Variants in OSBP2 observed in about 807,000 individuals in gnomAD.
The protein encoded by OSBP2 is oxysterol-binding protein 2.
OSBP2 carries 66 observed loss-of-function variants against 96.0 expected under a neutral mutation model. The observed-to-expected ratio is 0.69, with a 90% CI of 0.56 to 0.84. The LOEUF (loss-of-function observed/expected upper bound fraction) is 0.84. Ranked by LOEUF, OSBP2 falls within the 40% of genes least tolerant of loss-of-function variation. OSBP2 has a pLI of 0.00. For synonymous variants in OSBP2, 525 were observed against 520.9 expected (o/e 1.01, Z -0.11); for missense variants, 1,038 against 1,222.7 (o/e 0.85, Z 2.25).
At chr22:30,713,066 C>G (rs1022659713) in intron 1 of OSBP2, among the ~76,000 whole-genome samples, 1 of 140,406 alleles carries the variant, frequency 7.1e-6, no homozygotes, top group Non-Finnish European at 1.5e-5. Context: ...GCGTGCATCA[C>G]CACACTTGGC....
chr22:30,880,574 G>T (rs1316352772), intron 3 of OSBP2, among the ~76,000 whole-genome samples: 5 of 152,190 alleles, frequency 3.3e-5, no homozygotes, highest in Non-Finnish European at 7.4e-5. Flanking sequence ...TGTCTAGAAG[G>T]GAAGTTTCCA....
At chr22:30,758,151 G>C (rs136342) in intron 2 of OSBP2, among the ~76,000 whole-genome samples, 116,562 of 152,112 alleles carry the variant, frequency 0.77, 45,719 homozygotes, top group African/African-American at 0.93. Context: ...CCTGTAATCC[G>C]TGCACTTTGG....
chr22:30,902,428 C>T lies in OSBP2; in HGVS notation c.2376-3409C>T, dbSNP rs549545625. 3.4e-3 allele frequency: 5,442 copies of T among 1,583,854 alleles called. 14 individuals carry two copies. The highest frequency in any genetic ancestry group is 4.0e-3 in the Non-Finnish European group (4,650 of 1,155,736). On this transcript the variant is annotated intron_variant, in intron 12 of 13. Transcript: ENST00000332585. ...TGGTGCACTGTTGGGCAATCAGTCA[C>T]TTCATGTGGACATTGCAGAAGGCAG... is the stretch of plus-strand genomic sequence containing the variant.
At position 30,870,701 on chromosome 22, in the gene OSBP2, C is replaced by T. The variant is rs551212036; in HGVS notation, c.1107+19C>T. The T allele has an allele frequency of 3.5e-5, 56 of 1,604,748 alleles. No individual in the cohort carries two copies. In the African/African-American group the frequency reaches 3.6e-4, roughly 10 times the overall value. ...GATCAACGTGAGTACCCACCCCCAC[C>T]GCCCTGGCACGGGGCTCCCTGGCTC... On this transcript the variant is annotated intron_variant, in intron 3 of 13. Transcript: ENST00000332585. This position sits in a 1 kb window ranked among gnomAD's most constrained non-coding sequence, Gnocchi z 4.1.
At position 30,893,939 on chromosome 22, in the gene OSBP2, G is replaced by A. The variant is rs1247364840; in HGVS notation, c.2313G>A (p.Gly771=). 1 of 1,599,106 alleles carries A rather than the reference G, an allele frequency of 6.3e-7. No homozygotes were observed. Among genetic ancestry groups the A allele is most frequent in the East Asian group, 2.3e-5 (1 of 44,342 alleles). Residue 771 remains glycine (G), a synonymous_variant, in exon 12 of 14, where the codon GGG becomes GGA. Transcript: ENST00000332585. ...HSSPSSPSSD[G]KQKTVYQTLS... ...GTCCCAGCAGCCCCAGCTCTGACGG[G>A]AAGCAGAAGACAGTGTACCAGACCC...
chr22:30,837,509 GT>G (rs2038661060), intron 2 of OSBP2, among the ~76,000 whole-genome samples: 1 of 152,190 alleles, frequency 6.6e-6, no homozygotes, highest in Non-Finnish European at 1.5e-5. Context: ...TCTGCACTGT[GT>G]GAAGAAGAAA....
chr22:30,802,036 G>T (rs1000658442), intron 2 of OSBP2, among the ~76,000 whole-genome samples: 3 of 152,168 alleles, frequency 2.0e-5, no homozygotes, highest in African/African-American at 4.8e-5. Flanking sequence ...GTTCCGTGAA[G>T]GTAGGGTATC....
chr22:30,884,059 G>T (rs1454363666), intron 3 of OSBP2, among the ~76,000 whole-genome samples: 1 of 152,134 alleles, frequency 6.6e-6, no homozygotes, highest in African/African-American at 2.4e-5. Context: ...CCACTATGGG[G>T]TCTGCAAATT....
intron 2 of OSBP2, among the ~76,000 whole-genome samples, chr22:30,792,010 G>T (rs927843620): frequency 1.3e-5 from 2 of 152,064 alleles, no homozygotes; most frequent in Non-Finnish European, 2.9e-5. Context: ...TTTAGGAACC[G>T]CATACAGAAG....
At chr22:30,826,157 G>A (rs2038400350) in intron 2 of OSBP2, among the ~76,000 whole-genome samples, 1 of 152,172 alleles carries the variant, frequency 6.6e-6, no homozygotes, top group Admixed American at 6.5e-5. Context: ...TGGAACTTCA[G>A]CTGGGAATTG....
chr22:30,757,901 A>G (rs1163803469), intron 2 of OSBP2, among the ~76,000 whole-genome samples: 1 of 152,116 alleles, frequency 6.6e-6, no homozygotes, highest in Non-Finnish European at 1.5e-5. Context: ...CTGATCCCTC[A>G]TGTGCAGCTT....
chr22:30,696,182 C>T (rs910076745), intron 1 of OSBP2, among the ~76,000 whole-genome samples: 8 of 152,146 alleles, frequency 5.3e-5, no homozygotes. Flanking sequence ...AGACCCAGCA[C>T]GGGATTCAAA....
At chr22:30,795,744 C>T (rs945968681) in intron 2 of OSBP2, among the ~76,000 whole-genome samples, 1 of 152,192 alleles carries the variant, frequency 6.6e-6, no homozygotes, top group Non-Finnish European at 1.5e-5. Flanking sequence ...ATCTCAAACT[C>T]CCGACCTCAG....
intron 2 of OSBP2, among the ~76,000 whole-genome samples, chr22:30,862,859 G>C (rs1384654920): frequency 6.6e-6 from 1 of 151,524 alleles, no homozygotes; most frequent in African/African-American, 2.4e-5. Context: ...TGTAATCCCA[G>C]CTACTCGGGA....
At chr22:30,748,700 G>A (rs974918950) in intron 2 of OSBP2, among the ~76,000 whole-genome samples, 3 of 152,186 alleles carry the variant, frequency 2.0e-5, no homozygotes, top group African/African-American at 7.2e-5. Flanking sequence ...TGAATCTGTC[G>A]CAGGAAAGAA....
At chr22:30,699,097 G>A (rs1480754023) in intron 1 of OSBP2, among the ~76,000 whole-genome samples, 5 of 151,744 alleles carry the variant, frequency 3.3e-5, no homozygotes, top group South Asian at 4.2e-4. Context: ...GTGTGCTACC[G>A]TGCCCAGCTA....
At chr22:30,759,263 G>T (rs1053924217) in intron 2 of OSBP2, among the ~76,000 whole-genome samples, 2 of 152,104 alleles carry the variant, frequency 1.3e-5, no homozygotes, top group Non-Finnish European at 2.9e-5. Context: ...CAGGAGAATC[G>T]CTTGAGCCTG....
chr22:30,880,758 C>A (rs2039686745), intron 3 of OSBP2, among the ~76,000 whole-genome samples: 1 of 152,200 alleles, frequency 6.6e-6, no homozygotes, highest in South Asian at 2.1e-4. Context: ...TTAGGAACAG[C>A]AAAAGCGATT....
chr22:30,873,161 C>T (rs2039495316), intron 3 of OSBP2, among the ~76,000 whole-genome samples: 2 of 152,198 alleles, frequency 1.3e-5, no homozygotes. Flanking sequence ...CAGCATAACC[C>T]AGCTGGTAGG....
Sources: gnomAD v4.1 joint callset for allele counts (sites outside exome capture counted in the v4.1 genomes callset) on GRCh38, gnomAD v4.1.1 for gene constraint, Gnocchi (gnomAD v3.1) non-coding constraint, MANE v1.5 for transcripts, NCBI Gene and HGNC (gene_info 2026-07-23, HGNC 2026-07-21) for gene names.